Variants in LANCL3 observed in about 807,000 individuals in gnomAD.
LANCL3 encodes the protein LanC like family member 3, also known as lanC-like protein 3.
Under a neutral mutation model 26.5 loss-of-function variants are expected in LANCL3, and 19 were observed. That is an observed-to-expected ratio of 0.72 (90% CI 0.50 to 1.05). The LOEUF (loss-of-function observed/expected upper bound fraction) is 1.05. Ranked by LOEUF, LANCL3 falls within the 50% of genes least tolerant of loss-of-function variation. LANCL3 has a pLI of 0.00. For synonymous variants in LANCL3, 160 were observed against 166.6 expected (o/e 0.96, Z 0.30); for missense variants, 318 against 362.7 (o/e 0.88, Z 1.00).
At chrX:37,657,439 G>A (rs893090842) in intron 2 of LANCL3, among the ~76,000 whole-genome samples, 1 of 111,187 alleles carries the variant, frequency 9.0e-6, no homozygotes, top group Non-Finnish European at 1.9e-5. Context: ...CATAGCTCAC[G>A]CAACCTCGAC....
At chrX:37,658,657 TC>T (rs1481084302) in intron 2 of LANCL3, among the ~76,000 whole-genome samples, 1 of 112,058 alleles carries the variant, frequency 8.9e-6, no homozygotes, top group African/African-American at 3.2e-5. Flanking sequence ...ACCATCATAC[TC>T]CTGGTACACA....
At chrX:37,622,653 T>C (rs1177588994) in intron 1 of LANCL3, among the ~76,000 whole-genome samples, 1 of 111,921 alleles carries the variant, frequency 8.9e-6, no homozygotes. Flanking sequence ...TCAACCTGAA[T>C]GTTATCTTTT....
At chrX:37,631,458 C>A (rs1273829850) in intron 1 of LANCL3, among the ~76,000 whole-genome samples, 1 of 111,527 alleles carries the variant, frequency 9.0e-6, no homozygotes, top group African/African-American at 3.3e-5. Context: ...TCCTTCAGTT[C>A]TGCTCTGATC....
chrX:37,616,017 T>G (rs1427218284), intron 1 of LANCL3, among the ~76,000 whole-genome samples: 1 of 111,975 alleles, frequency 8.9e-6, no homozygotes, highest in African/African-American at 3.2e-5. Flanking sequence ...TCACACTCAG[T>G]GCAATTTTGT....
intron 1 of LANCL3, among the ~76,000 whole-genome samples, chrX:37,610,566 G>T (rs1556421036): frequency 9.0e-6 from 1 of 111,387 alleles, no homozygotes; most frequent in African/African-American, 3.3e-5. Flanking sequence ...CTCCCTCTGT[G>T]CCCGTAGATA....
intron 4 of LANCL3, among the ~76,000 whole-genome samples, chrX:37,667,898 G>C (rs1177253141): frequency 3.6e-5 from 4 of 110,677 alleles, no homozygotes; most frequent in Non-Finnish European, 7.6e-5. Context: ...GAGAGAGGAG[G>C]AAAGTGCCAG....
intron 1 of LANCL3, among the ~76,000 whole-genome samples, chrX:37,632,787 T>C (rs1925567517): frequency 1.8e-5 from 2 of 112,091 alleles, no homozygotes. Context: ...TGGCCCCCAC[T>C]CTCTTCTGGC....
intron 1 of LANCL3, among the ~76,000 whole-genome samples, chrX:37,611,431 T>A (rs183221007): frequency 9.0e-6 from 1 of 111,162 alleles, no homozygotes; most frequent in East Asian, 2.8e-4. Context: ...TTTATTATAC[T>A]CCATCCTTGC....
chrX:37,585,721 GCA>G (rs1556417841), intron 1 of LANCL3, among the ~76,000 whole-genome samples: 1 of 111,619 alleles, frequency 9.0e-6, no homozygotes, highest in Admixed American at 9.5e-5. Flanking sequence ...CCTGAATACA[GCA>G]CAGTGATGGG....
intron 1 of LANCL3, among the ~76,000 whole-genome samples, chrX:37,581,130 ACT>A (rs202123510): frequency 0.13 from 14,365 of 111,469 alleles, 945 homozygotes; most frequent in Middle Eastern, 0.25. Context: ...TGAGCACAAC[ACT>A]CTGAATTACA....
In LANCL3 at chrX:37,677,319, G is replaced by A. The variant is rs1926840497; in HGVS notation, c.*1506G>A. 9.1e-6 allele frequency: 1 copy of A among 110,284 alleles called. No homozygotes were observed. The highest frequency in any genetic ancestry group is 1.9e-5 in the Non-Finnish European group (1 of 52,649). 9.1% of individuals were successfully genotyped at this position (110,284 alleles called of 1,213,427 possible). On this transcript the variant is annotated 3_prime_UTR_variant, in exon 5 of 5. Coordinates refer to ENST00000378619, the MANE Select transcript of LANCL3 (RefSeq NM_001170331.2). ...TACAAGTATGTTGGTGTGTGTATGT[G>A]TATGGACCAGTTTGTTTGTGTGTGT...
In LANCL3 at chrX:37,682,234, C is replaced by T. The variant is rs1370317144; in HGVS notation, c.*6421C>T. 9.4e-6 allele frequency: 1 copy of T among 106,121 alleles called. No homozygotes were observed. The highest frequency in any genetic ancestry group is 3.4e-5 in the African/African-American group (1 of 29,225). The allele number at this position is 106,121 out of a possible 1,213,427, so 8.7% of individuals were successfully genotyped here. A position where few individuals can be genotyped will look rare whatever the true frequency, so the allele number is the denominator to read the frequency against. On this transcript the variant is annotated 3_prime_UTR_variant, in exon 5 of 5. Transcript: ENST00000378619. ...TCTCCTGCCTCAGCCTCCCAAGTAG[C>T]TGGGACTACAGGCGCCCGCCACTAC... is the stretch of plus-strand genomic sequence containing the variant.
chrX:37,586,679 G>T (rs1556418083), intron 1 of LANCL3, among the ~76,000 whole-genome samples: 1 of 111,736 alleles, frequency 8.9e-6, no homozygotes, highest in Non-Finnish European at 1.9e-5. Flanking sequence ...TACACTAGTT[G>T]TTCTAGTTAG....
intron 2 of LANCL3, among the ~76,000 whole-genome samples, chrX:37,656,641 G>A (rs1447959708): frequency 8.9e-6 from 1 of 112,548 alleles, no homozygotes; most frequent in African/African-American, 3.2e-5. Flanking sequence ...TGGGTAACAT[G>A]CTGTCATCCT....
intron 4 of LANCL3, chrX:37,668,389 A>G: frequency 2.5e-6 from 1 of 405,734 alleles, no homozygotes; most frequent in African/African-American, 2.6e-5. Flanking sequence ...TAAACTTGAT[A>G]AAGATGGAAC....
In LANCL3 at chrX:37,634,220, C is replaced by A. The variant is rs187955884; in HGVS notation, c.574-21468C>A. Reference sequence around the variant, plus strand: ...CTAGCAATCAGCAAGACTCCGTGGACGTAGGACCCTTCGAGACAGGTGCAG... The same window carrying A: ...CTAGCAATCAGCAAGACTCCGTGGAAGTAGGACCCTTCGAGACAGGTGCAG... On this transcript the variant is annotated intron_variant, in intron 1 of 4. Coordinates refer to ENST00000378619, the MANE Select transcript of LANCL3 (RefSeq NM_001170331.2). Among the ~76,000 whole-genome samples, 129 of 112,699 alleles carry A rather than the reference C, an allele frequency of 1.1e-3. 2 individuals carry two copies. The highest frequency in any genetic ancestry group is 3.9e-3 in the African/African-American group (121 of 31,074).
At chrX:37,585,864 A>G (rs1460741992) in intron 1 of LANCL3, among the ~76,000 whole-genome samples, 2 of 111,781 alleles carry the variant, frequency 1.8e-5, no homozygotes, top group African/African-American at 6.5e-5. Context: ...TATTTTGCTC[A>G]TTAGTTGATG....
chrX:37,575,000 A>G (rs1923710120), intron 1 of LANCL3, among the ~76,000 whole-genome samples: 1 of 108,881 alleles, frequency 9.2e-6, no homozygotes, highest in Non-Finnish European at 1.9e-5. Context: ...ACCATGGCTC[A>G]CTGTAGCCTC....
At chrX:37,631,496 T>C (rs782273711) in intron 1 of LANCL3, among the ~76,000 whole-genome samples, 29 of 111,593 alleles carry the variant, frequency 2.6e-4, no homozygotes, top group African/African-American at 9.1e-4. Flanking sequence ...TCTGCTAGCT[T>C]TTGAATGTGT....
Sources: allele counts gnomAD v4.1 joint callset (sites outside exome capture counted in the v4.1 genomes callset), GRCh38; gene constraint gnomAD v4.1.1; transcripts MANE v1.5; gene names NCBI Gene and HGNC (gene_info 2026-07-23, HGNC 2026-07-21).